The following BCL11B variants were observed in gnomAD, a reference collection of about 807,000 sequenced individuals.
The protein encoded by BCL11B is B-cell lymphoma/leukemia 11B.
BCL11B carries 8 observed loss-of-function variants against 49.9 expected under a neutral mutation model. That is an observed-to-expected ratio of 0.16 (90% CI 0.09 to 0.29). The LOEUF (loss-of-function observed/expected upper bound fraction) is 0.29, where lower values mean the gene tolerates loss of function less well. BCL11B is among the 10% of genes least tolerant of loss of function. BCL11B has a pLI of 1.00. For missense variants in BCL11B, 1,006 were observed against 1,351.0 expected, an observed-to-expected ratio of 0.74 and a Z score of 4.00; for synonymous variants, 739 against 637.4, an observed-to-expected ratio of 1.16 and a Z score of -2.40.
At chr14:99,227,856 G>A (rs893423222) in intron 3 of BCL11B, among the ~76,000 whole-genome samples, 1 of 152,020 alleles carries the variant, frequency 6.6e-6, no homozygotes, top group African/African-American at 2.4e-5. Context: ...TCCCAGGAAC[G>A]CCTAGACTCA....
At chr14:99,198,772 A>C (rs567545764) in intron 3 of BCL11B, among the ~76,000 whole-genome samples, 1 of 152,268 alleles carries the variant, frequency 6.6e-6, no homozygotes, top group African/African-American at 2.4e-5. Context: ...CTAAGACACA[A>C]GAATACCTGT....
chr14:99,220,855 AT>A (rs545161897), intron 3 of BCL11B, among the ~76,000 whole-genome samples: 8 of 151,890 alleles, frequency 5.3e-5, no homozygotes, highest in Non-Finnish European at 1.2e-4. Context: ...TATTTTATTT[AT>A]TTTTTTTATT....
chr14:99,173,980 C>T lies in BCL11B; in HGVS notation c.*171G>A, dbSNP rs535112331. The T allele has an allele frequency of 3.2e-5, 20 of 626,794 alleles. No homozygotes were observed. The highest frequency in any genetic ancestry group is 5.0e-5 in the Non-Finnish European group (18 of 360,276). The allele number at this position is 626,794 out of a possible 1,614,324, so 38.8% of individuals were successfully genotyped here. A position where few individuals can be genotyped will look rare whatever the true frequency, so the allele number is the denominator to read the frequency against. ...AATTTGTACTGCCTTAATCAACCCT[C>T]GGGTTTCCATAGGACTTCGCAGACA... On this transcript the variant is annotated 3_prime_UTR_variant, in exon 4 of 4. Coordinates refer to ENST00000357195, the MANE Select transcript of BCL11B (RefSeq NM_138576.4).
chr14:99,226,567 C>T (rs992266233), intron 3 of BCL11B, among the ~76,000 whole-genome samples: 4 of 152,232 alleles, frequency 2.6e-5, no homozygotes, highest in African/African-American at 4.8e-5. Context: ...GAAACTACAG[C>T]TTGCTTCTTG....
chr14:99,214,647 C>G (rs1011912604), intron 3 of BCL11B, among the ~76,000 whole-genome samples: 1 of 150,792 alleles, frequency 6.6e-6, no homozygotes, highest in Non-Finnish European at 1.5e-5. Flanking sequence ...TATCCCGGAA[C>G]CTAAAATACA....
Position 99,174,144 on chromosome 14 carries a change from C to T in BCL11B, c.*7G>A, listed in dbSNP as rs1566792249. On this transcript the variant is annotated 3_prime_UTR_variant, in exon 4 of 4. Transcript: ENST00000357195. ...TGTACAGGTGCGGGGCGCCGGGGCCCGCGCGCTTAGCTCCTCTCGGCCTGC... is the reference window on the plus strand; with the variant it reads ...TGTACAGGTGCGGGGCGCCGGGGCCTGCGCGCTTAGCTCCTCTCGGCCTGC... 5 of 1,609,838 alleles carry T rather than the reference C, an allele frequency of 3.1e-6. No individual in the cohort carries two copies. Among genetic ancestry groups the T allele is most frequent in the African/African-American group, 2.7e-5 (2 of 74,978 alleles).
chr14:99,174,298 G>A lies in BCL11B; in HGVS notation c.2538C>T (p.His846=), dbSNP rs746847233. The change falls in exon 4 of 4, where the codon CAC becomes CAT. Residue 846 remains histidine (H), a synonymous_variant. Transcript: ENST00000357195. The part of the protein sequence containing the change: ...SSKLTRHMKT[H]GQIGKEVYRC... ...GGTACACCTCCTTGCCGATCTGCCC[G>A]TGCGTCTTCATGTGGCGCGTGAGCT... 16 of 1,613,484 alleles carry A rather than the reference G, an allele frequency of 9.9e-6. No homozygotes were observed. In the East Asian group the frequency reaches 1.8e-4, roughly 18 times the overall value.
In BCL11B at chr14:99,169,510, T is replaced by TAA. The variant is rs1269069060; in HGVS notation, c.*4639_*4640dup. The TAA allele has an allele frequency of 5.0e-6, 1 of 200,184 alleles. No homozygotes were observed. Among genetic ancestry groups the TAA allele is most frequent in the Non-Finnish European group, 1.0e-5 (1 of 97,024 alleles). 12.4% of individuals were successfully genotyped at this position (200,184 alleles called of 1,614,324 possible). ...TCCTGTCATCTCAACATTTTATCCATAATAAAAAAAAGTGCCTGTTTCTTA... is the reference window on the plus strand; with the variant it reads ...TCCTGTCATCTCAACATTTTATCCATAAAATAAAAAAAAGTGCCTGTTTCTTA... On this transcript the variant is annotated 3_prime_UTR_variant, in exon 4 of 4. Transcript: ENST00000357195.
At position 99,175,595 on chromosome 14, in the gene BCL11B, G is replaced by A; in HGVS notation, c.1241C>T (p.Pro414Leu). The stretch of plus-strand genomic sequence containing the variant: ...CGGCTGCGGGGGCGGCGTGCCGCCA[G>A]GGGGCATGGGCGGCAGCGGCGGCGT... ...LSTPPLPPMPPGGTPPPQPPA... is the reference protein window; with the variant it reads ...LSTPPLPPMPLGGTPPPQPPA... Residue 414 changes from proline to leucine, a missense_variant, in exon 4 of 4, where the codon CCT becomes CTT. Transcript: ENST00000357195. 6.3e-7 allele frequency: 1 copy of A among 1,575,738 alleles called. No homozygotes were observed.
At position 99,172,112 on chromosome 14, in the gene BCL11B, A is replaced by T. The variant is rs1026259647; in HGVS notation, c.*2039T>A. On this transcript the variant is annotated 3_prime_UTR_variant, in exon 4 of 4. Coordinates refer to ENST00000357195, the MANE Select transcript of BCL11B (RefSeq NM_138576.4). Reference sequence around the variant, plus strand: ...ACCCTTGTATGTACCCAATACTGTAAACGTATTTTTAAGACAGAGTGCACT... The same window carrying T: ...ACCCTTGTATGTACCCAATACTGTATACGTATTTTTAAGACAGAGTGCACT... 6 of 221,894 alleles carry T rather than the reference A, an allele frequency of 2.7e-5. No homozygotes were observed. The highest frequency in any genetic ancestry group is 5.4e-5 in the Non-Finnish European group (6 of 110,846). The allele number at this position is 221,894 out of a possible 1,614,324, so 13.7% of individuals were successfully genotyped here.
At chr14:99,244,467 G>A (rs553000390) in intron 2 of BCL11B, among the ~76,000 whole-genome samples, 2 of 152,232 alleles carry the variant, frequency 1.3e-5, no homozygotes, top group South Asian at 4.2e-4. Context: ...TCAAACACGA[G>A]AATCTGCCAG....
At chr14:99,271,135 C>T (rs1889666333) in intron 1 of BCL11B, 26 bp downstream of exon 1, 1 of 1,536,366 alleles carries the variant, frequency 6.5e-7, no homozygotes, top group Non-Finnish European at 8.7e-7. Context: ...TCTCCGGCCC[C>T]TCGCGCGCAC....
At chr14:99,193,042 A>G (rs936783030) in intron 3 of BCL11B, among the ~76,000 whole-genome samples, 3 of 152,208 alleles carry the variant, frequency 2.0e-5, no homozygotes, top group Non-Finnish European at 4.4e-5. Context: ...CCGCTCATGA[A>G]CAAATCCCCA....
intron 3 of BCL11B, among the ~76,000 whole-genome samples, chr14:99,220,652 G>A (rs1337569904): frequency 1.3e-5 from 2 of 152,220 alleles, no homozygotes; most frequent in East Asian, 1.9e-4. Context: ...GGAGATGGAC[G>A]GTGGTGATGG....
intron 3 of BCL11B, among the ~76,000 whole-genome samples, chr14:99,224,287 T>C (rs1888097523): frequency 6.6e-6 from 1 of 152,196 alleles, no homozygotes; most frequent in African/African-American, 2.4e-5. Flanking sequence ...AGTTCTGCTA[T>C]TTGTGTGCTG....
chr14:99,271,072 A>AGGCTCGGCTGTTCCG (rs1889662397), intron 1 of BCL11B, 89 bp downstream of exon 1: 2 of 1,363,032 alleles, frequency 1.5e-6, no homozygotes, highest in East Asian at 6.1e-5. Flanking sequence ...GCGCCTGGCC[A>AGGCTCGGCTGTTCCG]GGCTCGGCTG....
intron 3 of BCL11B, among the ~76,000 whole-genome samples, chr14:99,185,126 A>T (rs1886814170): frequency 6.6e-6 from 1 of 152,114 alleles, no homozygotes; most frequent in Non-Finnish European, 1.5e-5. Context: ...GTACCTGGGG[A>T]GGAGGCAGGC....
rs376169292 is a variant in BCL11B, at chr14:99,176,209, C to T, written c.641-14G>A. ...GCTCATCTTTACCTGGGGAAACACACGGACAGAAAGGCAGAGACAGCGTGA... is the reference window on the plus strand; with the variant it reads ...GCTCATCTTTACCTGGGGAAACACATGGACAGAAAGGCAGAGACAGCGTGA... On this transcript the variant is annotated splice_polypyrimidine_tract_variant and intron_variant, in intron 3 of 3. Transcript: ENST00000357195. The T allele has an allele frequency of 1.2e-6, 2 of 1,607,110 alleles. No individual in the cohort carries two copies. Among genetic ancestry groups the T allele is most frequent in the South Asian group, 1.1e-5 (1 of 90,720 alleles).
In BCL11B at chr14:99,175,946, G is replaced by C; in HGVS notation, c.890C>G (p.Pro297Arg). 6.9e-7 allele frequency: 1 copy of C among 1,455,094 alleles called. No homozygotes were observed. The allele number at this position is 1,455,094 out of a possible 1,614,324, so 90.1% of individuals were successfully genotyped here. A position where few individuals can be genotyped will look rare whatever the true frequency, so the allele number is the denominator to read the frequency against. Residue 297 changes from proline to arginine, a missense_variant, in exon 4 of 4, where the codon CCC becomes CGC. This residue lies in a region of BCL11B where 411 missense variants were observed against 542.2 expected (regional missense o/e 0.76). Transcript: ENST00000357195. ...NPFNLLRMTGPILRDHPGFGE... is the reference protein window; with the variant it reads ...NPFNLLRMTGRILRDHPGFGE... Reference sequence around the variant, plus strand: ...GAAGCCCGGGTGGTCCCGCAGGATGGGGCCCGTCATGCGCAGCAGGTTGAA... The same window carrying C: ...GAAGCCCGGGTGGTCCCGCAGGATGCGGCCCGTCATGCGCAGCAGGTTGAA...
Sources: gnomAD v4.1 joint callset for allele counts (sites outside exome capture counted in the v4.1 genomes callset) on GRCh38, gnomAD v4.1.1 for gene constraint, gnomAD v4.1.1 regional missense constraint, MANE v1.5 for transcripts, NCBI Gene and HGNC (gene_info 2026-07-23, HGNC 2026-07-21) for gene names.